The following INTS7 variants were observed in gnomAD, a reference collection of about 807,000 sequenced individuals.
INTS7 encodes chromosome 1 open reading frame 73.
Under a neutral mutation model 109.2 loss-of-function variants are expected in INTS7, and 46 were observed. The observed-to-expected ratio is 0.42, with a 90% confidence interval of 0.33 to 0.54. The LOEUF (loss-of-function observed/expected upper bound fraction) is 0.54. Among genes scored for constraint, INTS7 ranks in the 20% least tolerant of loss-of-function variants. The probability of loss-of-function intolerance (pLI) is 0.07; values close to 1 mark genes in which losing one functional copy is unlikely to be tolerated. For synonymous variants in INTS7, 412 were observed against 402.9 expected, an observed-to-expected ratio of 1.02 and a Z score of -0.27; for missense variants, 929 against 1,132.4, an observed-to-expected ratio of 0.82 and a Z score of 2.58.
intron 16 of INTS7, among the ~76,000 whole-genome samples, chr1:211,953,327 C>G (rs1290162857): frequency 6.6e-6 from 1 of 152,026 alleles, no homozygotes; most frequent in Non-Finnish European, 1.5e-5. Flanking sequence ...TGCTTTGAAC[C>G]CCTGCAAATT....
At chr1:212,003,067 G>T (rs574427833) in intron 7 of INTS7, among the ~76,000 whole-genome samples, 35 of 152,184 alleles carry the variant, frequency 2.3e-4, no homozygotes, top group Non-Finnish European at 4.0e-4. Context: ...GAACATGAGG[G>T]ATTAACGGGA....
At chr1:211,969,722 AT>A (rs762057924) in intron 13 of INTS7, among the ~76,000 whole-genome samples, 145 of 140,938 alleles carry the variant, frequency 1.0e-3, no homozygotes, top group Admixed American at 1.6e-3. Flanking sequence ...TGCCTGGCTA[AT>A]TTTTTTTTTT....
At position 211,967,935 on chromosome 1, in the gene INTS7, CCATATCGAGAAG is replaced by C; in HGVS notation, c.2045_2056del (p.Ala682_Tyr685del). The stretch of plus-strand genomic sequence containing the variant: ...ATCAAAAGATGCCTGGTAAAGATCT[CCATATCGAGAAG>C]CAAGGCTTCGAAATTCTTCCATGGA... On this transcript the variant is annotated inframe_deletion, in exon 15 of 20. Transcript: ENST00000366994. The C allele has an allele frequency of 6.2e-7, 1 of 1,609,212 alleles. No individual in the cohort carries two copies. The highest frequency in any genetic ancestry group is 1.1e-5 in the South Asian group (1 of 90,450).
intron 1 of INTS7, among the ~76,000 whole-genome samples, chr1:212,024,877 T>C (rs1010435675): frequency 5.3e-5 from 8 of 152,368 alleles, no homozygotes; most frequent in African/African-American, 1.9e-4. Context: ...GGATCTCCAC[T>C]GTTGGTCTGA....
intron 10 of INTS7, among the ~76,000 whole-genome samples, chr1:211,979,497 A>C (rs1664557892): frequency 6.6e-6 from 1 of 152,210 alleles, no homozygotes; most frequent in Non-Finnish European, 1.5e-5. Flanking sequence ...TGTATATATA[A>C]GTCTTCAACA....
In INTS7 at chr1:211,981,181, G is replaced by A. The variant is rs376273030; in HGVS notation, c.1142C>T (p.Ala381Val). ...TVSCQEKDLL[A>V]LEQDAVFGLE... ...GCCAAAGACAGCATCTTGTTCCAGT[G>A]CCAAAAGATCTAGAAGAAAAACAGT... Residue 381 changes from alanine (A) to valine (V), a missense_variant, in exon 10 of 20, where the codon GCA becomes GTA. Around this residue, in one of 2 missense-constraint regions of INTS7, gnomAD observed 787 missense variants for 901.1 expected, o/e 0.87. Transcript: ENST00000366994. The A allele has an allele frequency of 6.2e-7, 1 of 1,609,842 alleles. No homozygotes were observed. Among genetic ancestry groups the A allele is most frequent in the African/African-American group, 1.3e-5 (1 of 74,918 alleles).
intron 1 of INTS7, among the ~76,000 whole-genome samples, chr1:212,029,434 G>A (rs1667059439): frequency 6.6e-6 from 1 of 152,176 alleles, no homozygotes; most frequent in Non-Finnish European, 1.5e-5. Context: ...ACTGTGAGTG[G>A]ACACTTCAAC....
At chr1:211,978,890 C>T (rs956595046) in intron 10 of INTS7, among the ~76,000 whole-genome samples, 1 of 152,072 alleles carries the variant, frequency 6.6e-6, no homozygotes, top group African/African-American at 2.4e-5. Flanking sequence ...GCCAGCATCT[C>T]CCAGAATGAA....
At position 212,027,833 on chromosome 1, in the gene INTS7, C is replaced by T. The variant is rs928922529; in HGVS notation, c.95-6621G>A. On this transcript the variant is annotated intron_variant, in intron 1 of 19. Transcript: ENST00000366994. ...TTTGAAAAGGTTGGCATCGAGATTC[C>T]TTTTTTTTTTCTTGAGACAGTCTCA... Among the ~76,000 whole-genome samples, 3 of 150,126 alleles carry T rather than the reference C, an allele frequency of 2.0e-5. 1 individual carries two copies. The South Asian group carries it at 6.3e-4, about 32-fold the overall frequency.
chr1:211,978,201 G>T, intron 11 of INTS7, 71 bp downstream of exon 11: 2 of 1,535,722 alleles, frequency 1.3e-6, no homozygotes, highest in Non-Finnish European at 1.8e-6. Context: ...AAATAGTAAT[G>T]TTGACTTAAA....
Position 212,017,089 on chromosome 1 carries a change from G to T in INTS7, c.372-66C>A, listed in dbSNP as rs1371235083. On this transcript the variant is annotated intron_variant, in intron 3 of 19. Transcript: ENST00000366994. ...AAAGTCAAGGTCAGAAAAGTAAGAG[G>T]CAAGGCAAAGTCAGATTATCAAAAC... is the stretch of plus-strand genomic sequence containing the variant. 3.8e-6 allele frequency: 5 copies of T among 1,323,484 alleles called. No individual in the cohort carries two copies. The African/African-American group carries it at 6.1e-5, about 16-fold the overall frequency. The allele number at this position is 1,323,484 out of a possible 1,614,324, so 82.0% of individuals were successfully genotyped here.
At chr1:212,006,376 T>C (rs1265174182) in intron 7 of INTS7, among the ~76,000 whole-genome samples, 1 of 152,152 alleles carries the variant, frequency 6.6e-6, no homozygotes, top group African/African-American at 2.4e-5. Flanking sequence ...GCTTCTCAAT[T>C]AGCCTTAGTG....
intron 16 of INTS7, 41 bp from the exon 17 acceptor site, chr1:211,952,742 A>G (rs747305531): frequency 7.9e-6 from 12 of 1,521,714 alleles, no homozygotes; most frequent in East Asian, 2.3e-5. Flanking sequence ...TCAAAATAGC[A>G]TGGCTATTTA....
intron 1 of INTS7, among the ~76,000 whole-genome samples, chr1:212,031,231 T>G (rs1667149295): frequency 6.6e-6 from 1 of 152,244 alleles, no homozygotes. Flanking sequence ...GACTCCTCTT[T>G]TCCCAGGGGG....
intron 8 of INTS7, among the ~76,000 whole-genome samples, chr1:211,987,170 G>A (rs1176336443): frequency 3.3e-5 from 5 of 152,092 alleles, no homozygotes; most frequent in Admixed American, 6.5e-5. Flanking sequence ...GGTGGCGGGC[G>A]CCTGTAGTCC....
At chr1:211,951,069 TAA>T (rs1275546037) in intron 17 of INTS7, among the ~76,000 whole-genome samples, 2 of 152,238 alleles carry the variant, frequency 1.3e-5, no homozygotes, top group Non-Finnish European at 2.9e-5. Flanking sequence ...TCTTTAGATC[TAA>T]CCTAACTCTT....
At chr1:212,026,479 A>G (rs1340167749) in intron 1 of INTS7, among the ~76,000 whole-genome samples, 2 of 152,164 alleles carry the variant, frequency 1.3e-5, no homozygotes, top group Non-Finnish European at 2.9e-5. Context: ...TTACACACAC[A>G]AAGAACTGCC....
intron 3 of INTS7, among the ~76,000 whole-genome samples, chr1:212,019,250 C>CAATA (rs143138565): frequency 0.067 from 10,117 of 151,498 alleles, 429 homozygotes; most frequent in Admixed American, 0.13. Context: ...GACTCCATCT[C>CAATA]AATAAATAAA....
At chr1:212,018,533 A>T (rs1040283187) in intron 3 of INTS7, among the ~76,000 whole-genome samples, 8 of 151,350 alleles carry the variant, frequency 5.3e-5, no homozygotes, top group African/African-American at 1.7e-4. Flanking sequence ...TGTGAAAACC[A>T]ATTCAAACAT....
Sources: allele counts gnomAD v4.1 joint callset (sites outside exome capture counted in the v4.1 genomes callset), GRCh38; gene constraint gnomAD v4.1.1; regional missense constraint gnomAD v4.1.1; transcripts MANE v1.5; gene names NCBI Gene and HGNC (gene_info 2026-07-23, HGNC 2026-07-21).